The following DPP8 variants were observed in gnomAD, a reference collection of about 807,000 sequenced individuals.
The protein encoded by DPP8 is DPP VIII.
A neutral mutation model predicts 107.5 loss-of-function variants in DPP8; 31 were observed. The ratio of observed to expected loss-of-function variants is 0.29; its 90% CI spans 0.22 to 0.39. The LOEUF is 0.39. Among genes scored for constraint, DPP8 ranks in the 10% least tolerant of loss-of-function variants. The probability of loss-of-function intolerance (pLI) is 1.00; values close to 1 mark genes in which losing one functional copy is unlikely to be tolerated. For synonymous variants in DPP8, 381 were observed against 356.6 expected (o/e 1.07, Z -0.77); for missense variants, 842 against 1,076.1 (o/e 0.78, Z 3.04).
chr15:65,454,487 T>C lies in DPP8; in HGVS notation c.2119-72A>G, dbSNP rs2064235793. 5.2e-6 allele frequency: 7 copies of C among 1,350,062 alleles called. No homozygotes were observed. The Admixed American group carries it at 1.8e-4, about 35-fold the overall frequency. The allele number at this position is 1,350,062 out of a possible 1,614,324, so 83.6% of individuals were successfully genotyped here. A position where few individuals can be genotyped will look rare whatever the true frequency, so the allele number is the denominator to read the frequency against. On this transcript the variant is annotated intron_variant, in intron 16 of 19. Coordinates refer to ENST00000300141, the MANE Select transcript of DPP8 (RefSeq NM_130434.5). The stretch of plus-strand genomic sequence containing the variant: ...CTCGTAAGAGTGCTTTCAAAGATGA[T>C]AAATGTTTTTACTAAAAATACCTGT...
At chr15:65,481,489 A>G in intron 9 of DPP8, 26 bp downstream of exon 9, 1 of 1,418,828 alleles carries the variant, frequency 7.0e-7, no homozygotes, top group Non-Finnish European at 9.8e-7. Flanking sequence ...ATTAGTTATA[A>G]AGAAGTAACA....
rs180986358 is a variant in DPP8 at position 65,484,478 on chromosome 15, C to G, written c.1017+621G>C. Among the ~76,000 whole-genome samples the G allele has an allele frequency of 7.2e-4, 109 of 152,040 alleles. 1 individual carries two copies. The highest frequency in any genetic ancestry group is 4.6e-3 in the Admixed American group (70 of 15,242). ...AACTCTGTGAATATACCAACAGCCA[C>G]TGAATTTTAAAGTTTAAATAAATAA... is the stretch of plus-strand genomic sequence containing the variant. On this transcript the variant is annotated intron_variant, in intron 8 of 19. Coordinates refer to ENST00000300141, the MANE Select transcript of DPP8 (RefSeq NM_130434.5).
intron 10 of DPP8, among the ~76,000 whole-genome samples, chr15:65,479,705 G>A (rs376696): frequency 2.6e-4 from 40 of 151,632 alleles, no homozygotes; most frequent in African/African-American, 6.3e-4. Flanking sequence ...TTAGCCGGGC[G>A]CGGTGGCGGG....
intron 3 of DPP8, among the ~76,000 whole-genome samples, chr15:65,503,516 C>T (rs535521744): frequency 1.1e-4 from 17 of 152,224 alleles, no homozygotes; most frequent in African/African-American, 4.1e-4. Context: ...TCTCAGCTCA[C>T]TGCAACCTCT....
intron 6 of DPP8, among the ~76,000 whole-genome samples, chr15:65,488,603 CAAAAAAAAAAA>C (rs1166493197): frequency 2.2e-4 from 10 of 45,290 alleles, no homozygotes; most frequent in African/African-American, 4.2e-4. Context: ...GACCCTGCCT[CAAAAAAAAAAA>C]AAAAAAAAAA....
At chr15:65,472,729 G>A (rs2066002932) in intron 12 of DPP8, among the ~76,000 whole-genome samples, 2 of 152,136 alleles carry the variant, frequency 1.3e-5, no homozygotes, top group African/African-American at 4.8e-5. Flanking sequence ...TCATCAAGGA[G>A]CAATAATACA....
At chr15:65,509,725 A>G (rs1402940386) in intron 2 of DPP8, among the ~76,000 whole-genome samples, 1 of 152,180 alleles carries the variant, frequency 6.6e-6, no homozygotes, top group Non-Finnish European at 1.5e-5. Context: ...TTTCTTATAA[A>G]AGAAAAGATT....
At chr15:65,471,513 AT>A (rs35149810) in intron 12 of DPP8, among the ~76,000 whole-genome samples, 201 of 125,226 alleles carry the variant, frequency 1.6e-3, no homozygotes, top group Middle Eastern at 8.2e-3. Flanking sequence ...TAACCAGCCT[AT>A]TTTTTTTTTT....
intron 3 of DPP8, chr15:65,502,767 G>A (rs1358599223): frequency 3.3e-5 from 5 of 151,890 alleles, no homozygotes; most frequent in African/African-American, 4.8e-5. Flanking sequence ...GTGGGTTATC[G>A]GAACTTATTA....
At chr15:65,470,318 G>A (rs556463603) in intron 12 of DPP8, among the ~76,000 whole-genome samples, 1 of 151,612 alleles carries the variant, frequency 6.6e-6, no homozygotes, top group African/African-American at 2.4e-5. Context: ...AAGAATAGAG[G>A]GAAAGGGCTG....
At chr15:65,492,445 C>T (rs1234716398) in intron 5 of DPP8, among the ~76,000 whole-genome samples, 2 of 152,120 alleles carry the variant, frequency 1.3e-5, no homozygotes, top group African/African-American at 4.8e-5. Flanking sequence ...TGTTTAACTT[C>T]ATAAGAAAGT....
chr15:65,505,779 G>A (rs1319486354), intron 3 of DPP8, among the ~76,000 whole-genome samples: 3 of 151,712 alleles, frequency 2.0e-5, no homozygotes, highest in African/African-American at 4.8e-5. Flanking sequence ...ATGAAACCCC[G>A]TCTCTACTGA....
chr15:65,462,290 G>C (rs970363875), intron 15 of DPP8, among the ~76,000 whole-genome samples: 2 of 152,112 alleles, frequency 1.3e-5, no homozygotes, highest in African/African-American at 4.8e-5. Flanking sequence ...GACTTGTGTA[G>C]ATGAAAATAC....
In DPP8 at chr15:65,474,215, T is replaced by C; in HGVS notation, c.1530A>G (p.Gly510=). ...SGEWEVLGRH[G]SNIQVDEVRR... is the part of the protein sequence containing the mutation. Reference sequence around the variant, plus strand: ...GTAGAATAAAATAACATACATTAGATCCATGCCGGCCAAGAACTTCCCATT... The same window carrying C: ...GTAGAATAAAATAACATACATTAGACCCATGCCGGCCAAGAACTTCCCATT... Residue 510 remains glycine (G), a synonymous_variant, in exon 12 of 20, where the codon GGA becomes GGG. Transcript: ENST00000300141. 6.2e-7 allele frequency: 1 copy of C among 1,609,278 alleles called. No individual in the cohort carries two copies. The highest frequency in any genetic ancestry group is 8.5e-7 in the Non-Finnish European group (1 of 1,175,732).
At chr15:65,504,769 C>G (rs1431796151) in intron 3 of DPP8, among the ~76,000 whole-genome samples, 1 of 151,338 alleles carries the variant, frequency 6.6e-6, no homozygotes, top group Admixed American at 6.6e-5. Context: ...ATCGCTTGAG[C>G]TCAGGAGTTT....
At position 65,480,391 on chromosome 15, in the gene DPP8, G is replaced by A; in HGVS notation, c.1127C>T (p.Ser376Phe). Residue 376 changes from serine to phenylalanine, a missense_variant, in exon 10 of 20, where the codon TCC (serine) becomes TTC (phenylalanine). Around this residue, in one of 2 missense-constraint regions of DPP8, gnomAD observed 663 missense variants for 758.0 expected, o/e 0.87. Transcript: ENST00000300141. ...GWTPEGKYAWSILLDRSQTRL... is the reference protein window; with the variant it reads ...GWTPEGKYAWFILLDRSQTRL... ...AGTCTGGGAGCGATCTAGTAGGATG[G>A]ACCAAGCACTATTTAAATAAATAAA... 1 of 1,600,716 alleles carries A rather than the reference G, an allele frequency of 6.2e-7. No homozygotes were observed. Among genetic ancestry groups the A allele is most frequent in the Non-Finnish European group, 8.5e-7 (1 of 1,175,548 alleles).
intron 4 of DPP8, among the ~76,000 whole-genome samples, chr15:65,498,449 T>G (rs1232503657): frequency 6.7e-6 from 1 of 150,290 alleles, no homozygotes; most frequent in African/African-American, 2.4e-5. Context: ...TCAACAATGA[T>G]AATTGCTTCC....
intron 6 of DPP8, among the ~76,000 whole-genome samples, chr15:65,489,758 C>T (rs2067830491): frequency 6.6e-6 from 1 of 151,692 alleles, no homozygotes; most frequent in Admixed American, 6.6e-5. Context: ...GCTCTCATTG[C>T]CCAAGCTGGA....
At position 65,512,598 on chromosome 15, in the gene DPP8, G is replaced by A. The variant is rs750881429; in HGVS notation, c.-11-34C>T. ...ACAAGGCACATGAAGCTGTTCACGG[G>A]TCTATCTTCTATTATCAGAATGATT... On this transcript the variant is annotated intron_variant, in intron 1 of 19. Transcript: ENST00000300141. The A allele has an allele frequency of 1.9e-5, 30 of 1,609,240 alleles. No individual in the cohort carries two copies. In the Admixed American group the frequency reaches 4.5e-4, roughly 24 times the overall value.
Sources: allele counts gnomAD v4.1 joint callset (sites outside exome capture counted in the v4.1 genomes callset), GRCh38; gene constraint gnomAD v4.1.1; regional missense constraint gnomAD v4.1.1; transcripts MANE v1.5; gene names NCBI Gene and HGNC (gene_info 2026-07-23, HGNC 2026-07-21).